The following EXOC5 variants were observed in gnomAD, a reference collection of about 807,000 sequenced individuals.
The protein encoded by EXOC5 is SEC10-like 1.
Under a neutral mutation model 90.8 loss-of-function variants are expected in EXOC5, and 17 were observed. The ratio of observed to expected loss-of-function variants is 0.19; its 90% CI spans 0.13 to 0.28. The LOEUF is 0.28. Among genes scored for constraint, EXOC5 ranks in the 10% least tolerant of loss-of-function variants. The pLI is 1.00. For missense variants in EXOC5, 569 were observed against 830.6 expected (o/e 0.69, Z 3.87); for synonymous variants, 260 against 270.0 (o/e 0.96, Z 0.36).
At chr14:57,231,458 T>C in intron 11 of EXOC5, 48 bp downstream of exon 11, 3 of 1,287,790 alleles carry the variant, frequency 2.3e-6, no homozygotes. Flanking sequence ...TATAATGAAG[T>C]TATTAATGTC....
In EXOC5 at chr14:57,219,309, T is replaced by A; in HGVS notation, c.1526+13A>T. On this transcript the variant is annotated intron_variant, in intron 14 of 17. Transcript: ENST00000621441. ...CACTGAAATATCAATGAAAATCAGATAATTTGACTAACCTTATTAGTGGCA... is the reference window on the plus strand; with the variant it reads ...CACTGAAATATCAATGAAAATCAGAAAATTTGACTAACCTTATTAGTGGCA... 7.0e-7 allele frequency: 1 copy of A among 1,437,356 alleles called. No homozygotes were observed. Among genetic ancestry groups the A allele is most frequent in the Non-Finnish European group, 9.3e-7 (1 of 1,078,408 alleles). 89.0% of individuals were successfully genotyped at this position (1,437,356 alleles called of 1,614,324 possible).
intron 1 of EXOC5, among the ~76,000 whole-genome samples, chr14:57,263,034 C>T (rs1480485988): frequency 2.0e-5 from 3 of 152,070 alleles, no homozygotes; most frequent in Non-Finnish European, 4.4e-5. Context: ...AGGTTGCCCA[C>T]GATCCCTATT....
chr14:57,233,049 C>A, intron 9 of EXOC5: 1 of 202,750 alleles, frequency 4.9e-6, no homozygotes, highest in Non-Finnish European at 9.8e-6. Context: ...ACTGAGAGTA[C>A]AAACAATAGA....
chr14:57,234,846 T>C (rs1234404175), intron 7 of EXOC5, among the ~76,000 whole-genome samples: 1 of 152,006 alleles, frequency 6.6e-6, no homozygotes. Flanking sequence ...ATTACAGGAG[T>C]GAGCCATTGC....
chr14:57,216,789 C>A (rs1157532723), intron 15 of EXOC5, among the ~76,000 whole-genome samples: 1 of 152,100 alleles, frequency 6.6e-6, no homozygotes, highest in Non-Finnish European at 1.5e-5. Context: ...ACAAATGAGA[C>A]TGCATCAAAC....
intron 15 of EXOC5, among the ~76,000 whole-genome samples, chr14:57,214,754 G>C (rs905442947): frequency 1.3e-5 from 2 of 151,852 alleles, no homozygotes; most frequent in Non-Finnish European, 2.9e-5. Context: ...TGTACTTTAG[G>C]GTATTTCAAG....
At chr14:57,221,708 C>T (rs1940336662) in intron 13 of EXOC5, among the ~76,000 whole-genome samples, 1 of 152,010 alleles carries the variant, frequency 6.6e-6, no homozygotes, top group East Asian at 1.9e-4. Context: ...ACAATAATCA[C>T]GCATATTGGT....
intron 1 of EXOC5, among the ~76,000 whole-genome samples, chr14:57,256,242 GT>G (rs1884346372): frequency 6.6e-6 from 1 of 152,178 alleles, no homozygotes; most frequent in African/African-American, 2.4e-5. Context: ...AGAGCAGTAT[GT>G]TTGGCACACA....
rs1461972084 is a variant in EXOC5, at chr14:57,235,794, G to A, written c.586C>T (p.Leu196=). The A allele has an allele frequency of 6.4e-7, 1 of 1,556,110 alleles. No individual in the cohort carries two copies. Among genetic ancestry groups the A allele is most frequent in the East Asian group, 2.4e-5 (1 of 42,286 alleles). The part of the protein sequence containing the change: ...ASKYHDLECQ[L]IQEFTSAQRR... ...TGAGCACTGGTAAACTCCTGAATCAGCTGGCATTCTAAATCATGGTATTTA... is the reference window on the plus strand; with the variant it reads ...TGAGCACTGGTAAACTCCTGAATCAACTGGCATTCTAAATCATGGTATTTA... The change falls in exon 7 of 18, where the codon CTG becomes TTG. Residue 196 remains leucine, a synonymous_variant. Coordinates refer to ENST00000621441, the MANE Select transcript of EXOC5 (RefSeq NM_006544.4).
chr14:57,268,737 C>A lies in EXOC5; in HGVS notation c.-89G>T. The A allele has an allele frequency of 6.7e-7, 1 of 1,499,460 alleles. No individual in the cohort carries two copies. The highest frequency in any genetic ancestry group is 1.2e-5 in the South Asian group (1 of 80,242). The allele number at this position is 1,499,460 out of a possible 1,614,324, so 92.9% of individuals were successfully genotyped here. A position where few individuals can be genotyped will look rare whatever the true frequency, so the allele number is the denominator to read the frequency against. ...GAGGCGCGGCGCACAGGTCTCCGCT[C>A]GGCTCGCCAGCTCCGGCTCCGGGCC... On this transcript the variant is annotated 5_prime_UTR_variant, in exon 1 of 18. Transcript: ENST00000621441.
Position 57,205,109 on chromosome 14 carries a change from T to C in EXOC5, c.*3500A>G, listed in dbSNP as rs779470395. The C allele has an allele frequency of 6.6e-6, 1 of 152,022 alleles. No homozygotes were observed. Among genetic ancestry groups the C allele is most frequent in the Non-Finnish European group, 1.5e-5 (1 of 67,904 alleles). The allele number at this position is 152,022 out of a possible 1,614,324, so 9.4% of individuals were successfully genotyped here. ...AATAGTACCCAAATCCTAGGGTTGC[T>C]CTAGAATCCAATAATATGTGCAAAG... On this transcript the variant is annotated 3_prime_UTR_variant, in exon 18 of 18. Coordinates refer to ENST00000621441, the MANE Select transcript of EXOC5 (RefSeq NM_006544.4).
At chr14:57,245,533 C>T (rs142286251) in intron 3 of EXOC5, among the ~76,000 whole-genome samples, 2 of 152,190 alleles carry the variant, frequency 1.3e-5, no homozygotes, top group African/African-American at 4.8e-5. Context: ...TTATTATTAC[C>T]AAGGGAAAAC....
At chr14:57,227,945 TACAC>T (rs60100460) in intron 12 of EXOC5, among the ~76,000 whole-genome samples, 2,268 of 145,986 alleles carry the variant, frequency 0.016, 64 homozygotes, top group African/African-American at 0.048. Flanking sequence ...CATATATATA[TACAC>T]ACACACACAC....
In EXOC5 at chr14:57,209,743, C is replaced by T. The variant is rs1399181357; in HGVS notation, c.1762G>A (p.Glu588Lys). 2 of 1,612,240 alleles carry T rather than the reference C, an allele frequency of 1.2e-6. No homozygotes were observed. Among genetic ancestry groups the T allele is most frequent in the African/African-American group, 2.7e-5 (2 of 74,892 alleles). The change falls in exon 17 of 18, where the codon GAG (glutamate) becomes AAG (lysine). Residue 588 changes from glutamate to lysine, a missense_variant. By Grantham distance (56) the Glu-to-Lys change is moderately conservative (BLOSUM62 1). This residue lies in a region of EXOC5 where 122 missense variants were observed against 180.0 expected (regional missense o/e 0.68). Transcript: ENST00000621441. ...CCATCCATGGAATTTTTAATCTTCTCCACTTGTTTTCTTACGTAAGCACAG... is the reference window on the plus strand; with the variant it reads ...CCATCCATGGAATTTTTAATCTTCTTCACTTGTTTTCTTACGTAAGCACAG... The part of the protein sequence containing the change: ...KVCAYVRKQV[E>K]KIKNSMDGKN...
intron 12 of EXOC5, among the ~76,000 whole-genome samples, chr14:57,223,213 A>C (rs1415323958): frequency 1.3e-5 from 2 of 152,120 alleles, no homozygotes; most frequent in Admixed American, 1.3e-4. Context: ...TGTTGCTGTT[A>C]AACTAGCTAT....
Position 57,207,780 on chromosome 14 carries a change from C to A in EXOC5, c.*829G>T, listed in dbSNP as rs1354110651. 6.6e-6 allele frequency: 1 copy of A among 151,952 alleles called. No homozygotes were observed. Among genetic ancestry groups the A allele is most frequent in the African/African-American group, 2.4e-5 (1 of 41,380 alleles). 9.4% of individuals were successfully genotyped at this position (151,952 alleles called of 1,614,324 possible). A position where few individuals can be genotyped will look rare whatever the true frequency, so the allele number is the denominator to read the frequency against. ...TTAGACTATACCTCACTTTTTTTTA[C>A]TTCCCTTATAATATTAAAATAATGA... On this transcript the variant is annotated 3_prime_UTR_variant, in exon 18 of 18. Coordinates refer to ENST00000621441, the MANE Select transcript of EXOC5 (RefSeq NM_006544.4).
chr14:57,214,219 G>T (rs928037831), intron 15 of EXOC5, among the ~76,000 whole-genome samples: 1 of 152,054 alleles, frequency 6.6e-6, no homozygotes, highest in African/African-American at 2.4e-5. Flanking sequence ...TTGTTGTAGG[G>T]GGGGATTTGG....
At chr14:57,211,501 T>C (rs1486631037) in intron 15 of EXOC5, among the ~76,000 whole-genome samples, 2 of 152,112 alleles carry the variant, frequency 1.3e-5, no homozygotes, top group African/African-American at 4.8e-5. Flanking sequence ...TGCATAACTG[T>C]CTTTAGTTAC....
intron 12 of EXOC5, among the ~76,000 whole-genome samples, chr14:57,223,457 T>C (rs1185607330): frequency 1.3e-5 from 2 of 152,104 alleles, no homozygotes; most frequent in Non-Finnish European, 2.9e-5. Context: ...CCACTGATTA[T>C]AAATACTGAT....
Sources: gnomAD v4.1 joint callset for allele counts (sites outside exome capture counted in the v4.1 genomes callset) on GRCh38, gnomAD v4.1.1 for gene constraint, gnomAD v4.1.1 regional missense constraint, MANE v1.5 for transcripts, NCBI Gene and HGNC (gene_info 2026-07-23, HGNC 2026-07-21) for gene names.